Variants in FAAH2 observed in about 807,000 individuals in gnomAD.
FAAH2 encodes the protein fatty-acid amide hydrolase 2.
FAAH2 carries 60 observed loss-of-function variants against 36.9 expected under a neutral mutation model. The observed-to-expected ratio is 1.63, with a 90% CI of 1.32 to 2.02. The LOEUF is 2.02. Among genes scored for constraint, FAAH2 ranks in the 30% most tolerant of loss-of-function variants. The pLI is 0.00. For missense variants in FAAH2, 689 were observed against 397.5 expected (o/e 1.73, Z -6.23); for synonymous variants, 214 against 143.8 (o/e 1.49, Z -3.49).
At chrX:57,234,469 C>A in the FAAH2 span, among the ~76,000 whole-genome samples, 1 of 111,474 alleles carries the variant, frequency 9.0e-6, no homozygotes, top group South Asian at 3.7e-4. Context: ...CACTTTAGTT[C>A]TATTATTATT....
the FAAH2 span, among the ~76,000 whole-genome samples, chrX:57,172,902 A>G: frequency 8.9e-6 from 1 of 111,821 alleles, no homozygotes; most frequent in Non-Finnish European, 1.9e-5. Context: ...TGTGTGTCTG[A>G]CTGCTAAGGT....
the FAAH2 span, among the ~76,000 whole-genome samples, chrX:57,140,598 C>CAAA: frequency 1.7e-5 from 1 of 58,823 alleles, no homozygotes; most frequent in East Asian, 6.0e-4. Flanking sequence ...GACCCCGTCT[C>CAAA]AAAAAAAAAA....
intron 7 of FAAH2, among the ~76,000 whole-genome samples, chrX:57,420,426 A>C (rs780673154): frequency 6.3e-5 from 7 of 111,436 alleles, no homozygotes; most frequent in Non-Finnish European, 9.4e-5. Flanking sequence ...TCCTTGAAAA[A>C]GTCCTTCACA....
the FAAH2 span, among the ~76,000 whole-genome samples, chrX:57,128,219 C>T: frequency 4.5e-5 from 5 of 111,380 alleles, no homozygotes; most frequent in Admixed American, 9.6e-5. Flanking sequence ...TAACGTTACC[C>T]GTGCTGATGT....
chrX:57,419,469 T>C (rs2147067172), intron 7 of FAAH2, among the ~76,000 whole-genome samples: 1 of 112,469 alleles, frequency 8.9e-6, no homozygotes, highest in Non-Finnish European at 1.9e-5. Context: ...TGATGGCCAG[T>C]GATGGTGAGC....
At position 57,395,372 on chromosome X, in the gene FAAH2, G is replaced by A; in HGVS notation, c.996+14343G>A. 4 of 708,320 alleles carry A rather than the reference G, an allele frequency of 5.6e-6. No homozygotes were observed. In the South Asian group the frequency reaches 8.5e-5, roughly 15 times the overall value. 58.4% of individuals were successfully genotyped at this position (708,320 alleles called of 1,213,427 possible). A position where few individuals can be genotyped will look rare whatever the true frequency, so the allele number is the denominator to read the frequency against. On this transcript the variant is annotated intron_variant, in intron 7 of 10. Coordinates refer to ENST00000374900, the MANE Select transcript of FAAH2 (RefSeq NM_174912.4). The stretch of plus-strand genomic sequence containing the variant: ...CTTCAGTCTCGCCCTTATTTGTGCG[G>A]AGATCTCCTTCCTGTTCAGGATTTC...
chrX:57,431,533 T>C (rs1331972230), intron 7 of FAAH2, among the ~76,000 whole-genome samples: 1 of 111,226 alleles, frequency 9.0e-6, no homozygotes, highest in Admixed American at 9.6e-5. Context: ...AAGCTAGAAC[T>C]TTACAAGCAA....
rs1385643836 is a variant in FAAH2 at position 57,385,917 on chromosome X, A to AT, written c.996+4888_996+4889insT. Among the ~76,000 whole-genome samples the AT allele has an allele frequency of 2.3e-3, 249 of 109,988 alleles. 3 individuals carry two copies. The highest frequency in any genetic ancestry group is 5.8e-3 in the African/African-American group (176 of 30,417). On this transcript the variant is annotated intron_variant, in intron 7 of 10. Transcript: ENST00000374900. The stretch of plus-strand genomic sequence containing the variant: ...AGTGAGACTCCGTTAAAAAAAAAAA[A>AT]AAATAGCATAAGTGGATACATTACT...
At chrX:57,459,949 A>T in intron 10 of FAAH2, among the ~76,000 whole-genome samples, 1 of 111,565 alleles carries the variant, frequency 9.0e-6, no homozygotes, top group Non-Finnish European at 1.9e-5. Flanking sequence ...CCCCCAAGTG[A>T]TCACAAATCC....
At chrX:57,291,219 T>A (rs932204674) in intron 1 of FAAH2, among the ~76,000 whole-genome samples, 1 of 112,139 alleles carries the variant, frequency 8.9e-6, no homozygotes. Context: ...TGTTTACTAC[T>A]GTACTTATAC....
In FAAH2 at chrX:57,362,789, G is replaced by T. The variant is rs1160255799; in HGVS notation, c.743-15862G>T. 2.7e-5 allele frequency among the ~76,000 whole-genome samples: 3 copies of T among 111,659 alleles called. No homozygotes were observed. The South Asian group carries it at 1.1e-3, about 42-fold the overall frequency. ...TTTTGAATATGGTGAAATGTATTTT[G>T]CACATGACTAGCCAGTTATCTAAAC... On this transcript the variant is annotated intron_variant, in intron 5 of 10. Coordinates refer to ENST00000374900, the MANE Select transcript of FAAH2 (RefSeq NM_174912.4).
chrX:57,309,735 T>C (rs1307829760), intron 2 of FAAH2, among the ~76,000 whole-genome samples: 1 of 111,482 alleles, frequency 9.0e-6, no homozygotes, highest in Non-Finnish European at 1.9e-5. Flanking sequence ...ATTAGTTTGC[T>C]GAGGATAATG....
At chrX:57,234,893 C>A in the FAAH2 span, among the ~76,000 whole-genome samples, 1 of 111,448 alleles carries the variant, frequency 9.0e-6, no homozygotes, top group African/African-American at 3.3e-5. Flanking sequence ...CAAAAATTAA[C>A]CGAGCATGGT....
At chrX:57,434,918 GAA>G (rs2056378370) in intron 8 of FAAH2, among the ~76,000 whole-genome samples, 1 of 111,296 alleles carries the variant, frequency 9.0e-6, no homozygotes, top group Non-Finnish European at 1.9e-5. Flanking sequence ...ATCAGACTAA[GAA>G]TGAGCTTCTT....
chrX:57,292,751 T>C, intron 2 of FAAH2, among the ~76,000 whole-genome samples, 171 bp downstream of exon 2: 1 of 111,878 alleles, frequency 8.9e-6, no homozygotes, highest in Middle Eastern at 4.7e-3. Flanking sequence ...TGTTGAGTGT[T>C]TATGATTATT....
intron 10 of FAAH2, among the ~76,000 whole-genome samples, chrX:57,463,212 T>A (rs1209351893): frequency 9.0e-6 from 1 of 111,455 alleles, no homozygotes; most frequent in South Asian, 3.7e-4. Context: ...AGAATCAATA[T>A]CATGAAAATG....
chrX:57,380,217 G>C (rs967076982), intron 6 of FAAH2, among the ~76,000 whole-genome samples: 3 of 110,119 alleles, frequency 2.7e-5, no homozygotes, highest in African/African-American at 9.9e-5. Context: ...GAAGGACCTG[G>C]TTTACTTATC....
intron 3 of FAAH2, among the ~76,000 whole-genome samples, chrX:57,321,759 T>C (rs983676207): frequency 6.3e-5 from 7 of 111,029 alleles, no homozygotes; most frequent in African/African-American, 2.3e-4. Context: ...TCAAGGTTAG[T>C]ATTGATATGT....
chrX:57,209,052 G>T, the FAAH2 span, among the ~76,000 whole-genome samples: 2 of 111,802 alleles, frequency 1.8e-5, no homozygotes, highest in East Asian at 5.7e-4. Context: ...GTTCTCAACA[G>T]CCTAGGACTC....
Sources: allele counts gnomAD v4.1 joint callset (sites outside exome capture counted in the v4.1 genomes callset), GRCh38; gene constraint gnomAD v4.1.1; transcripts MANE v1.5; gene names NCBI Gene and HGNC (gene_info 2026-07-23, HGNC 2026-07-21).